RBFOX1: variants seen among roughly 807,000 people sequenced by gnomAD.
The protein encoded by RBFOX1 is RNA binding fox-1 homolog 1, also known as RNA binding protein fox-1 homolog 1.
In RBFOX1, 8 loss-of-function variants were observed where a neutral mutation model predicts 57.7. The observed-to-expected ratio is 0.14, with a 90% CI of 0.08 to 0.25. The LOEUF (loss-of-function observed/expected upper bound fraction) is 0.25. Among genes scored for constraint, RBFOX1 ranks in the 10% least tolerant of loss-of-function variants. The probability of loss-of-function intolerance (pLI) is 1.00; values close to 1 mark genes in which losing one functional copy is unlikely to be tolerated. For synonymous variants in RBFOX1, 326 were observed against 222.4 expected (o/e 1.47, Z -4.15); for missense variants, 611 against 548.5 (o/e 1.11, Z -1.14).
At chr16:7,023,376 C>T (rs995042361) in intron 3 of RBFOX1, among the ~76,000 whole-genome samples, 1 of 151,132 alleles carries the variant, frequency 6.6e-6, no homozygotes, top group African/African-American at 2.4e-5. Context: ...AGGAGAATTG[C>T]TTGAACCCAG....
intron 1 of RBFOX1, among the ~76,000 whole-genome samples, chr16:6,138,951 A>G (rs551899196): frequency 2.0e-5 from 3 of 152,308 alleles, no homozygotes; most frequent in East Asian, 1.9e-4. Flanking sequence ...ACTTGCCCAC[A>G]CTGAAGAGGA....
intron 2 of RBFOX1, among the ~76,000 whole-genome samples, chr16:5,482,961 T>C (rs1406401006): frequency 1.3e-5 from 2 of 152,226 alleles, no homozygotes; most frequent in Admixed American, 1.3e-4. Flanking sequence ...AGTCCCTCTT[T>C]CTATCCCTTT....
rs549730963 is a variant in RBFOX1, at chr16:7,278,377, A to T, written c.27+226279A>T. The stretch of plus-strand genomic sequence containing the variant: ...ATTTACCCAAGATCAAAATATCTAC[A>T]TAAAGATTCCTATGTATATCTGACA... On this transcript the variant is annotated intron_variant, in intron 4 of 15. Coordinates refer to ENST00000550418, the MANE Select transcript of RBFOX1 (RefSeq NM_018723.4). Among the ~76,000 whole-genome samples, 26 of 152,340 alleles carry T rather than the reference A, an allele frequency of 1.7e-4. 1 individual carries two copies. The South Asian group carries it at 5.4e-3, about 32-fold the overall frequency.
intron 3 of RBFOX1, among the ~76,000 whole-genome samples, chr16:6,702,415 G>C (rs115236100): frequency 6.6e-6 from 1 of 152,136 alleles, no homozygotes; most frequent in East Asian, 1.9e-4. Context: ...TCTGCCTGGC[G>C]TGCTGGCATA....
At chr16:6,948,867 G>C (rs952792990) in intron 3 of RBFOX1, among the ~76,000 whole-genome samples, 2 of 152,092 alleles carry the variant, frequency 1.3e-5, no homozygotes, top group African/African-American at 4.8e-5. Flanking sequence ...TCTATAAACC[G>C]ATTACAGTGA....
Position 7,044,836 on chromosome 16 carries a change from G to A in RBFOX1, c.-15-7221G>A, listed in dbSNP as rs532912900. On this transcript the variant is annotated intron_variant, in intron 3 of 15. Transcript: ENST00000550418. ...TCATCACAGACTGTAGGGAGTTACA[G>A]GTGCCTTTTTTTCCACCTCCCCTCT... is the stretch of plus-strand genomic sequence containing the variant. Among the ~76,000 whole-genome samples the A allele has an allele frequency of 2.0e-5, 3 of 152,234 alleles. No individual in the cohort carries two copies. The East Asian group carries it at 5.8e-4, about 29-fold the overall frequency.
chr16:7,328,733 A>G (rs1034056513), intron 4 of RBFOX1: 1 of 152,040 alleles, frequency 6.6e-6, no homozygotes, highest in South Asian at 2.1e-4. Flanking sequence ...GAAAATGAGC[A>G]GAACTGGCAC....
chr16:7,284,198 T>C (rs745983395), intron 4 of RBFOX1, among the ~76,000 whole-genome samples: 2 of 152,238 alleles, frequency 1.3e-5, no homozygotes, highest in East Asian at 1.9e-4. Context: ...TTGTGTTGTT[T>C]CCAGTTTTTG....
intron 4 of RBFOX1, among the ~76,000 whole-genome samples, chr16:7,416,673 C>A (rs1190429418): frequency 6.6e-6 from 1 of 152,132 alleles, no homozygotes; most frequent in Non-Finnish European, 1.5e-5. Context: ...GCAATGGATA[C>A]CCATTTAATC....
chr16:6,526,829 C>CAAAAAAAAAAAAAAAAAA (rs541468859), intron 2 of RBFOX1, among the ~76,000 whole-genome samples: 1 of 32,892 alleles, frequency 3.0e-5, no homozygotes, highest in African/African-American at 1.1e-4. Context: ...GACTCTGTCT[C>CAAAAAAAAAAAAAAAAAA]AAAAAAAAAA....
intron 3 of RBFOX1, among the ~76,000 whole-genome samples, chr16:6,970,676 C>G (rs556174050): frequency 6.6e-6 from 1 of 152,170 alleles, no homozygotes; most frequent in Non-Finnish European, 1.5e-5. Flanking sequence ...ACGTAATCAC[C>G]TTCTAAAAAT....
chr16:5,716,069 G>C (rs537137999), intron 3 of RBFOX1, among the ~76,000 whole-genome samples: 2 of 152,180 alleles, frequency 1.3e-5, no homozygotes, highest in Admixed American at 1.3e-4. Flanking sequence ...ATGATGTCTG[G>C]TATTAATTTA....
chr16:6,544,878 T>C (rs1417532306), intron 2 of RBFOX1, among the ~76,000 whole-genome samples: 1 of 152,250 alleles, frequency 6.6e-6, no homozygotes, highest in African/African-American at 2.4e-5. Context: ...CCGTTACCTT[T>C]GCCCAGTACC....
At chr16:7,095,479 C>T (rs368315401) in intron 4 of RBFOX1, among the ~76,000 whole-genome samples, 6 of 152,148 alleles carry the variant, frequency 3.9e-5, no homozygotes, top group African/African-American at 1.4e-4. Context: ...AAAATGAAAA[C>T]ATGCTTAATT....
intron 1 of RBFOX1, among the ~76,000 whole-genome samples, chr16:6,125,300 T>C (rs1016770947): frequency 6.6e-6 from 1 of 152,166 alleles, no homozygotes; most frequent in African/African-American, 2.4e-5. Context: ...AGGATAGAGA[T>C]GGAGGAGAAG....
chr16:6,487,626 A>G (rs1304567800), intron 2 of RBFOX1, among the ~76,000 whole-genome samples: 1 of 146,816 alleles, frequency 6.8e-6, no homozygotes, highest in Non-Finnish European at 1.5e-5. Flanking sequence ...AGATACAATT[A>G]TAGTAGAACT....
At chr16:6,900,678 T>G (rs2068248406) in intron 3 of RBFOX1, among the ~76,000 whole-genome samples, 1 of 152,200 alleles carries the variant, frequency 6.6e-6, no homozygotes, top group Non-Finnish European at 1.5e-5. Context: ...ACATCACTAT[T>G]CATTCTTCTG....
chr16:5,814,987 CTTTCTT>C (rs2055575821), intron 3 of RBFOX1, among the ~76,000 whole-genome samples: 1 of 150,896 alleles, frequency 6.6e-6, no homozygotes, highest in African/African-American at 2.4e-5. Flanking sequence ...TATTTTCTTT[CTTTCTT>C]TTTTTTTTTA....
intron 2 of RBFOX1, among the ~76,000 whole-genome samples, chr16:5,581,817 T>C (rs1359833247): frequency 2.0e-5 from 3 of 151,878 alleles, no homozygotes; most frequent in African/African-American, 7.3e-5. Flanking sequence ...ATATGCAAGG[T>C]GGGCCCAGGT....
Sources: gnomAD v4.1 joint callset for allele counts (sites outside exome capture counted in the v4.1 genomes callset) on GRCh38, gnomAD v4.1.1 for gene constraint, MANE v1.5 for transcripts, NCBI Gene and HGNC (gene_info 2026-07-23, HGNC 2026-07-21) for gene names.